SERINC5: variants seen among roughly 807,000 people sequenced by gnomAD.
The protein encoded by SERINC5 is chromosome 5 open reading frame 12.
A neutral mutation model predicts 63.1 loss-of-function variants in SERINC5; 41 were observed. The ratio of observed to expected loss-of-function variants is 0.65; its 90% confidence interval spans 0.51 to 0.84. The LOEUF is 0.84. SERINC5 is among the 40% of genes least tolerant of loss of function. The probability of loss-of-function intolerance (pLI) is 0.00; values close to 1 mark genes in which losing one functional copy is unlikely to be tolerated. For synonymous variants in SERINC5, 222 were observed against 215.2 expected, an observed-to-expected ratio of 1.03 and a Z score of -0.28; for missense variants, 523 against 573.0, an observed-to-expected ratio of 0.91 and a Z score of 0.89.
At chr5:80,197,274 T>A (rs184838481) in intron 2 of SERINC5, among the ~76,000 whole-genome samples, 1 of 125,210 alleles carries the variant, frequency 8.0e-6, no homozygotes, top group Admixed American at 8.4e-5. Flanking sequence ...TGCCACTGCG[T>A]TTCAGCCAGA....
chr5:80,250,237 A>G (rs1196903224), intron 1 of SERINC5, among the ~76,000 whole-genome samples: 1 of 151,860 alleles, frequency 6.6e-6, no homozygotes, highest in African/African-American at 2.4e-5. Flanking sequence ...GACTCTCAAA[A>G]CAAGAGAAAG....
chr5:80,188,717 G>A (rs186504277), intron 2 of SERINC5, among the ~76,000 whole-genome samples: 15 of 152,142 alleles, frequency 9.9e-5, no homozygotes, highest in Non-Finnish European at 1.0e-4. Context: ...GAGAGACCCC[G>A]TCTCTACAAA....
At chr5:80,168,539 C>A (rs1747451121) in intron 6 of SERINC5, among the ~76,000 whole-genome samples, 1 of 152,064 alleles carries the variant, frequency 6.6e-6, no homozygotes, top group Non-Finnish European at 1.5e-5. Context: ...AGAAATGATT[C>A]AAGGGGGCTG....
intron 8 of SERINC5, among the ~76,000 whole-genome samples, chr5:80,154,649 T>C (rs1265007633): frequency 6.6e-6 from 1 of 152,026 alleles, no homozygotes; most frequent in African/African-American, 2.4e-5. Context: ...CTTCCTTGAT[T>C]TCCCAACTTT....
chr5:80,208,928 C>T (rs988035578), intron 1 of SERINC5, among the ~76,000 whole-genome samples: 1 of 152,184 alleles, frequency 6.6e-6, no homozygotes, highest in African/African-American at 2.4e-5. Flanking sequence ...GTACTAAACC[C>T]TAGTACCTCA....
chr5:80,233,023 T>A (rs892345848), intron 1 of SERINC5, among the ~76,000 whole-genome samples: 1 of 152,194 alleles, frequency 6.6e-6, no homozygotes, highest in African/African-American at 2.4e-5. Flanking sequence ...AAAAACTAAG[T>A]TGTCATGATG....
chr5:80,183,396 A>G (rs978183804), intron 2 of SERINC5, among the ~76,000 whole-genome samples: 7 of 152,138 alleles, frequency 4.6e-5, no homozygotes, highest in Admixed American at 4.6e-4. Context: ...CAGCGAGAAC[A>G]GTCTGGTCTG....
Position 80,142,122 on chromosome 5 carries a change from C to T in SERINC5, c.*1541G>A. The T allele has an allele frequency of 6.1e-6, 6 of 985,420 alleles. No individual in the cohort carries two copies. Among genetic ancestry groups the T allele is most frequent in the African/African-American group, 1.7e-5 (1 of 57,362 alleles). 61.0% of individuals were successfully genotyped at this position (985,420 alleles called of 1,614,324 possible). A position where few individuals can be genotyped will look rare whatever the true frequency, so the allele number is the denominator to read the frequency against. On this transcript the variant is annotated 3_prime_UTR_variant, in exon 12 of 12. Coordinates refer to ENST00000507668, the MANE Select transcript of SERINC5 (RefSeq NM_001174072.3). ...TTCTTAGATCCTCACTTACAGAGAG[C>T]TCGAGAAGATTCTTTCCACCCCGAA...
At chr5:80,151,399 G>A (rs1482417407) in intron 8 of SERINC5, among the ~76,000 whole-genome samples, 1 of 152,232 alleles carries the variant, frequency 6.6e-6, no homozygotes, top group Admixed American at 6.5e-5. Flanking sequence ...GCCTATAGTA[G>A]AACAAGGCTT....
chr5:80,146,180 T>G lies in SERINC5; in HGVS notation c.1148A>C (p.Lys383Thr). 1.2e-6 allele frequency: 2 copies of G among 1,614,044 alleles called. No homozygotes were observed. The highest frequency in any genetic ancestry group is 1.7e-6 in the Non-Finnish European group (2 of 1,179,888). ...KEGPRVIYDE[K>T]KGTVYIYSYF... ...GGAGTAGATGTAGACGGTGCCTTTCTTCTCGTCATAAATGACCCGTGGTCC... is the reference window on the plus strand; with the variant it reads ...GGAGTAGATGTAGACGGTGCCTTTCGTCTCGTCATAAATGACCCGTGGTCC... The change falls in exon 11 of 12, where the codon AAG becomes ACG. Residue 383 changes from lysine (K) to threonine (T), a missense_variant. By Grantham distance (78) the Lys-to-Thr change is moderately conservative. Transcript: ENST00000507668.
chr5:80,220,410 G>A (rs983013297), intron 1 of SERINC5, among the ~76,000 whole-genome samples: 5 of 152,166 alleles, frequency 3.3e-5, no homozygotes, highest in Non-Finnish European at 7.3e-5. Flanking sequence ...TTGTTATTGG[G>A]CTGCAAAGTA....
intron 2 of SERINC5, among the ~76,000 whole-genome samples, chr5:80,201,070 G>C (rs551902623): frequency 1.9e-4 from 29 of 152,216 alleles, no homozygotes; most frequent in Non-Finnish European, 2.6e-4. Flanking sequence ...TTGCACTCCA[G>C]CCTGGGCAAC....
At chr5:80,216,132 G>T (rs971067277) in intron 1 of SERINC5, among the ~76,000 whole-genome samples, 4 of 152,164 alleles carry the variant, frequency 2.6e-5, no homozygotes, top group Non-Finnish European at 5.9e-5. Context: ...GAAAACAAAC[G>T]TTCCTCAGGG....
intron 8 of SERINC5, chr5:80,158,000 G>A (rs1339287937): frequency 6.6e-6 from 1 of 152,098 alleles, no homozygotes; most frequent in African/African-American, 2.4e-5. Context: ...GGAGTATTTC[G>A]TTTCAGCAAA....
intron 8 of SERINC5, among the ~76,000 whole-genome samples, chr5:80,151,474 G>T (rs1376487946): frequency 1.3e-5 from 2 of 152,178 alleles, no homozygotes; most frequent in African/African-American, 4.8e-5. Flanking sequence ...ACCTAGAAAG[G>T]TAAAATGTTA....
At chr5:80,135,936 T>C (rs1404732061), downstream of SERINC5, among the ~76,000 whole-genome samples, 3 of 151,298 alleles carry the variant, frequency 2.0e-5, no homozygotes, top group Non-Finnish European at 2.9e-5. Context: ...AGGATGACGG[T>C]TGCCACAGGA....
At chr5:80,194,723 G>A (rs1580147817) in intron 2 of SERINC5, among the ~76,000 whole-genome samples, 2 of 152,168 alleles carry the variant, frequency 1.3e-5, no homozygotes, top group South Asian at 4.1e-4. Flanking sequence ...CTTACCACTG[G>A]GCCCAGAAGA....
At chr5:80,213,123 G>A (rs1750510350) in intron 1 of SERINC5, among the ~76,000 whole-genome samples, 1 of 151,970 alleles carries the variant, frequency 6.6e-6, no homozygotes, top group Non-Finnish European at 1.5e-5. Flanking sequence ...GTGGGTGCTT[G>A]TAATCCCAGC....
intron 7 of SERINC5, among the ~76,000 whole-genome samples, chr5:80,162,921 G>C (rs1311527564): frequency 6.6e-6 from 1 of 151,480 alleles, no homozygotes; most frequent in South Asian, 2.1e-4. Context: ...ATCTTGGCTA[G>C]TGAGCCAAGA....
Sources: allele counts gnomAD v4.1 joint callset (sites outside exome capture counted in the v4.1 genomes callset), GRCh38; gene constraint gnomAD v4.1.1; transcripts MANE v1.5; gene names NCBI Gene and HGNC (gene_info 2026-07-23, HGNC 2026-07-21).